The following RPH3A variants were observed in gnomAD, a reference collection of about 807,000 sequenced individuals.
RPH3A encodes the protein rabphilin 3A.
RPH3A carries 48 observed loss-of-function variants against 102.2 expected under a neutral mutation model. The observed-to-expected ratio is 0.47, with a 90% CI of 0.37 to 0.60. RPH3A has a LOEUF of 0.60. RPH3A is among the 20% of genes least tolerant of loss of function. The pLI is 0.00. For synonymous variants in RPH3A, 310 were observed against 324.3 expected (o/e 0.96, Z 0.47); for missense variants, 781 against 910.1 (o/e 0.86, Z 1.83).
In RPH3A at chr12:112,824,984, C is replaced by G. The variant is rs1054979809; in HGVS notation, c.-18-3317C>G. ...CCAGTGTCTTCTCTCTGCTGCAAAG[C>G]AGAAGATGAAACCTTCAGTTACAGT... On this transcript the variant is annotated intron_variant, in intron 2 of 21. Coordinates refer to ENST00000389385, the MANE Select transcript of RPH3A (RefSeq NM_001143854.2). Among the ~76,000 whole-genome samples, 8 of 151,808 alleles carry G rather than the reference C, an allele frequency of 5.3e-5. No homozygotes were observed. The South Asian group carries it at 1.7e-3, about 32-fold the overall frequency.
intron 1 of RPH3A, among the ~76,000 whole-genome samples, chr12:112,742,592 T>C (rs2040717026): frequency 6.6e-6 from 1 of 152,122 alleles, no homozygotes; most frequent in Admixed American, 6.5e-5. Flanking sequence ...TTCGAAACAA[T>C]GAATACAGTC....
chr12:112,804,285 A>T (rs115891628), intron 2 of RPH3A, among the ~76,000 whole-genome samples: 3,607 of 152,284 alleles, frequency 0.024, 128 homozygotes, highest in African/African-American at 0.081. Context: ...ACAGGCTGGA[A>T]AAAAGCAGAT....
At chr12:112,667,994 G>T (rs906271459) in intron 1 of RPH3A, among the ~76,000 whole-genome samples, 1 of 152,164 alleles carries the variant, frequency 6.6e-6, no homozygotes, top group Non-Finnish European at 1.5e-5. Context: ...TCAGACTTCA[G>T]ATCAAATGTC....
intron 17 of RPH3A, among the ~76,000 whole-genome samples, chr12:112,889,483 C>A (rs1315541088): frequency 6.6e-6 from 1 of 152,250 alleles, no homozygotes; most frequent in African/African-American, 2.4e-5. Flanking sequence ...GAACTTCCCC[C>A]ATTATGTCCC....
chr12:112,701,133 C>A (rs1393848579), intron 1 of RPH3A, among the ~76,000 whole-genome samples: 2 of 152,150 alleles, frequency 1.3e-5, no homozygotes, highest in Non-Finnish European at 2.9e-5. Context: ...ACAAACTTTT[C>A]TTTATCTCTT....
chr12:112,879,151 T>C lies in RPH3A; in HGVS notation c.1204T>C (p.Tyr402His), dbSNP rs1451116492. Residue 402 changes from tyrosine to histidine, a missense_variant, in exon 14 of 22, where the codon TAC (tyrosine) becomes CAC (histidine). This residue lies in a region of RPH3A where 730 missense variants were observed against 810.0 expected (regional missense o/e 0.90). Coordinates refer to ENST00000389385, the MANE Select transcript of RPH3A (RefSeq NM_001143854.2). ...GGGTGCCCTGGAATTCAGCCTTCTC[T>C]ACGACCAGGACAACAGCTCCCTGCA... ...TLGALEFSLL[Y>H]DQDNSSLQCT... The C allele has an allele frequency of 6.2e-7, 1 of 1,613,994 alleles. No individual in the cohort carries two copies. Among genetic ancestry groups the C allele is most frequent in the East Asian group, 2.2e-5 (1 of 44,888 alleles).
chr12:112,712,886 T>TTCTTCTTCTTCC (rs2040473636), intron 1 of RPH3A, among the ~76,000 whole-genome samples: 1 of 138,306 alleles, frequency 7.2e-6, no homozygotes, highest in African/African-American at 2.9e-5. Flanking sequence ...TTTTTTCTTC[T>TTCTTCTTCTTCC]TCTTCTTCTT....
intron 1 of RPH3A, among the ~76,000 whole-genome samples, chr12:112,641,862 C>T (rs1299744970): frequency 6.6e-6 from 1 of 152,178 alleles, no homozygotes; most frequent in African/African-American, 2.4e-5. Flanking sequence ...ATAACAGGAT[C>T]AAGGCTCTTC....
intron 3 of RPH3A, among the ~76,000 whole-genome samples, chr12:112,830,116 T>C (rs940509832): frequency 6.6e-6 from 1 of 152,208 alleles, no homozygotes; most frequent in African/African-American, 2.4e-5. Flanking sequence ...ACTTGGGTTG[T>C]ATATTTACCT....
At chr12:112,841,451 G>C (rs950528970) in intron 4 of RPH3A, among the ~76,000 whole-genome samples, 16 of 152,130 alleles carry the variant, frequency 1.1e-4, no homozygotes, top group Admixed American at 8.5e-4. Flanking sequence ...ACTTCAAGCT[G>C]TGTGGCCTTA....
upstream of RPH3A, among the ~76,000 whole-genome samples, chr12:112,788,823 G>T (rs1222444565): frequency 6.6e-6 from 1 of 152,144 alleles, no homozygotes; most frequent in Non-Finnish European, 1.5e-5. Flanking sequence ...CATCCTAAAT[G>T]ACTTTCATTT....
intron 1 of RPH3A, among the ~76,000 whole-genome samples, chr12:112,611,636 GGGGTTCACCAT>G (rs1193877588): frequency 6.6e-6 from 1 of 152,032 alleles, no homozygotes; most frequent in Non-Finnish European, 1.5e-5. Flanking sequence ...ATTGGGAGGG[GGGGTTCACCAT>G]GTTGGTCAGG....
chr12:112,632,969 G>A (rs1349243176), intron 1 of RPH3A, among the ~76,000 whole-genome samples: 1 of 152,076 alleles, frequency 6.6e-6, no homozygotes, highest in African/African-American at 2.4e-5. Context: ...AAGGCAGGAG[G>A]ATGACTTGAG....
At chr12:112,715,234 C>T (rs2040505463) in intron 1 of RPH3A, among the ~76,000 whole-genome samples, 1 of 152,178 alleles carries the variant, frequency 6.6e-6, no homozygotes, top group African/African-American at 2.4e-5. Context: ...ATTCACTTGC[C>T]TAGCTCCTTC....
chr12:112,848,581 G>C (rs2042270874), intron 5 of RPH3A, among the ~76,000 whole-genome samples: 1 of 152,180 alleles, frequency 6.6e-6, no homozygotes. Flanking sequence ...TAAGTGTTGG[G>C]ATGACACATG....
intron 1 of RPH3A, among the ~76,000 whole-genome samples, chr12:112,659,552 T>C (rs960146080): frequency 1.3e-5 from 2 of 152,224 alleles, no homozygotes; most frequent in Non-Finnish European, 2.9e-5. Context: ...CTGATGGTAT[T>C]CAATTTGATC....
chr12:112,621,636 C>T (rs1222365538), intron 1 of RPH3A, among the ~76,000 whole-genome samples: 1 of 151,496 alleles, frequency 6.6e-6, no homozygotes, highest in South Asian at 2.1e-4. Context: ...GGGGGAGGGG[C>T]GCCCGCCATT....
At chr12:112,654,070 G>A (rs999684120) in intron 1 of RPH3A, among the ~76,000 whole-genome samples, 2 of 152,138 alleles carry the variant, frequency 1.3e-5, no homozygotes, top group East Asian at 1.9e-4. Flanking sequence ...GAACTTGCAC[G>A]GAGCTGTCCT....
intron 1 of RPH3A, among the ~76,000 whole-genome samples, chr12:112,766,993 A>G (rs1592987786): frequency 6.6e-6 from 1 of 152,188 alleles, no homozygotes; most frequent in African/African-American, 2.4e-5. Context: ...AGGGTTAATG[A>G]GAAATTGCTG....
Sources: gnomAD v4.1 joint callset for allele counts (sites outside exome capture counted in the v4.1 genomes callset) on GRCh38, gnomAD v4.1.1 for gene constraint, gnomAD v4.1.1 regional missense constraint, MANE v1.5 for transcripts, NCBI Gene and HGNC (gene_info 2026-07-23, HGNC 2026-07-21) for gene names.